ESYT3: variants seen among roughly 807,000 people sequenced by gnomAD.
The protein encoded by ESYT3 is extended synaptotagmin-3.
A neutral mutation model predicts 111.5 loss-of-function variants in ESYT3; 101 were observed. The ratio of observed to expected loss-of-function variants is 0.91; its 90% CI spans 0.77 to 1.07. ESYT3 has a LOEUF of 1.07. Among genes scored for constraint, ESYT3 ranks in the 50% least tolerant of loss-of-function variants. ESYT3 has a pLI of 0.00. For synonymous variants in ESYT3, 416 were observed against 446.8 expected (o/e 0.93, Z 0.87); for missense variants, 1,097 against 1,109.4 (o/e 0.99, Z 0.16).
intron 2 of ESYT3, among the ~76,000 whole-genome samples, chr3:138,452,368 T>A (rs2031999005): frequency 6.6e-6 from 1 of 152,138 alleles, no homozygotes; most frequent in South Asian, 2.1e-4. Flanking sequence ...AGCTGTACTT[T>A]CCTAGGGAGA....
At chr3:138,464,632 C>T in intron 9 of ESYT3, 117 bp downstream of exon 9, 1 of 1,136,752 alleles carries the variant, frequency 8.8e-7, no homozygotes, top group Non-Finnish European at 1.3e-6. Flanking sequence ...TGTGGAATTC[C>T]TGCTCCTGTA....
intron 3 of ESYT3, among the ~76,000 whole-genome samples, chr3:138,456,541 ACT>A (rs2032286969): frequency 6.6e-6 from 1 of 151,774 alleles, no homozygotes; most frequent in Non-Finnish European, 1.5e-5. Flanking sequence ...GAGGTCCCCA[ACT>A]CTCGGTACCA....
At chr3:138,469,312 C>A in intron 14 of ESYT3, 124 bp from the exon 15 acceptor site, 1 of 816,088 alleles carries the variant, frequency 1.2e-6, no homozygotes, top group Non-Finnish European at 2.0e-6. Flanking sequence ...GAGTAGCTTT[C>A]TCTCAAAGAG....
intron 5 of ESYT3, among the ~76,000 whole-genome samples, chr3:138,459,597 G>T (rs2032505383): frequency 6.6e-6 from 1 of 152,234 alleles, no homozygotes; most frequent in African/African-American, 2.4e-5. Context: ...ATAACTCTCG[G>T]CAGGAGTAGA....
At chr3:138,466,738 G>A (rs1318812677) in intron 10 of ESYT3, among the ~76,000 whole-genome samples, 2 of 152,146 alleles carry the variant, frequency 1.3e-5, no homozygotes, top group Non-Finnish European at 2.9e-5. Flanking sequence ...GGATACCAGA[G>A]GCCAGGTAAT....
At chr3:138,459,311 A>G in intron 5 of ESYT3, 58 bp downstream of exon 5, 1 of 1,405,582 alleles carries the variant, frequency 7.1e-7, no homozygotes. Context: ...GGATCAGGGA[A>G]GGGGAAGCCA....
intron 1 of ESYT3, among the ~76,000 whole-genome samples, chr3:138,446,733 A>T (rs940662919): frequency 2.0e-5 from 3 of 152,190 alleles, no homozygotes; most frequent in Non-Finnish European, 2.9e-5. Context: ...CTACAAAAAA[A>T]TTAGAAAATT....
chr3:138,456,026 C>T (rs1469679970), intron 3 of ESYT3, among the ~76,000 whole-genome samples: 2 of 152,232 alleles, frequency 1.3e-5, no homozygotes, highest in African/African-American at 2.4e-5. Flanking sequence ...ATCCGGTCTT[C>T]CCAGCAACGA....
Position 138,472,434 on chromosome 3 carries a change from G to T in ESYT3, c.1812G>T (p.Leu604=). Residue 604 remains leucine (L), a synonymous_variant, in exon 18 of 23, where the codon CTG becomes CTT. Transcript: ENST00000389567. ...CTGAAGCCCTAAAGAAAGGCCCTCTGCTCATCAAGAAAGTGGCTACCAACC... is the reference window on the plus strand; with the variant it reads ...CTGAAGCCCTAAAGAAAGGCCCTCTTCTCATCAAGAAAGTGGCTACCAACC... ...TGPEALKKGP[L]LIKKVATNQG... 6.2e-7 allele frequency: 1 copy of T among 1,614,156 alleles called. No individual in the cohort carries two copies. Among genetic ancestry groups the T allele is most frequent in the Non-Finnish European group, 8.5e-7 (1 of 1,180,034 alleles).
chr3:138,467,518 CT>C, intron 10 of ESYT3, 42 bp from the exon 11 acceptor site: 1 of 1,607,744 alleles, frequency 6.2e-7, no homozygotes, highest in Admixed American at 1.7e-5. Flanking sequence ...CTGCTGCTTT[CT>C]TCCTCTGAGC....
intron 1 of ESYT3, among the ~76,000 whole-genome samples, chr3:138,446,279 C>T (rs2031533555): frequency 6.6e-6 from 1 of 152,268 alleles, no homozygotes; most frequent in Admixed American, 6.5e-5. Context: ...GAGTAGTGGA[C>T]GAAGTGGAAA....
chr3:138,477,024 A>G lies in ESYT3; in HGVS notation c.*170A>G, dbSNP rs1365475003. On this transcript the variant is annotated 3_prime_UTR_variant, in exon 23 of 23. Coordinates refer to ENST00000389567, the MANE Select transcript of ESYT3 (RefSeq NM_031913.5). ...GTGTGGAATTTAACTCCATGACTGA[A>G]TAGCATAAGGAAGAGGTTATTTAAA... The G allele has an allele frequency of 4.0e-6, 2 of 496,528 alleles. No homozygotes were observed. The highest frequency in any genetic ancestry group is 4.1e-5 in the South Asian group (1 of 24,684). The allele number at this position is 496,528 out of a possible 1,614,324, so 30.8% of individuals were successfully genotyped here. A position where few individuals can be genotyped will look rare whatever the true frequency, so the allele number is the denominator to read the frequency against.
Position 138,470,951 on chromosome 3 carries a change from C to T in ESYT3, c.1665C>T (p.Asp555=), listed in dbSNP as rs751207237. The change falls in exon 17 of 23, where the codon GAC becomes GAT. Residue 555 remains aspartate, a synonymous_variant. Transcript: ENST00000389567. The part of the protein sequence containing the change: ...VPLCQILPYA[D]LTLEQRFQLD... ...TGTGCCAGATCCTCCCCTATGCTGA[C>T]CTCACTCTTGAGCAGCGCTTTCAGC... 1.9e-6 allele frequency: 3 copies of T among 1,614,046 alleles called. No individual in the cohort carries two copies. The highest frequency in any genetic ancestry group is 2.5e-6 in the Non-Finnish European group (3 of 1,180,044).
chr3:138,470,005 T>G, intron 15 of ESYT3, 55 bp from the exon 16 acceptor site: 4 of 1,485,566 alleles, frequency 2.7e-6, no homozygotes, highest in Non-Finnish European at 3.7e-6. Context: ...AGGGTGCCGG[T>G]ATCCAGCTCT....
At chr3:138,473,976 G>T (rs902646895) in intron 19 of ESYT3, among the ~76,000 whole-genome samples, 1 of 152,192 alleles carries the variant, frequency 6.6e-6, no homozygotes, top group African/African-American at 2.4e-5. Context: ...GCATTATAAA[G>T]ATGCGTGTTA....
At position 138,454,149 on chromosome 3, in the gene ESYT3, G is replaced by A. The variant is rs565681320; in HGVS notation, c.370-1045G>A. ...TGTAGTCCCAGCCACCCAGGAGGCT[G>A]TGGTGGGAAATCACCTAAGCCTGGG... On this transcript the variant is annotated intron_variant, in intron 2 of 22. Transcript: ENST00000389567. Among the ~76,000 whole-genome samples the A allele has an allele frequency of 2.0e-5, 3 of 152,346 alleles. No homozygotes were observed. In the South Asian group the frequency reaches 6.2e-4, roughly 32 times the overall value.
chr3:138,472,258 G>A, intron 17 of ESYT3, 105 bp from the exon 18 acceptor site: 1 of 1,434,010 alleles, frequency 7.0e-7, no homozygotes, highest in South Asian at 1.4e-5. Flanking sequence ...CCCTAGGAAG[G>A]GTCTTTATAA....
rs148528869 is a variant in ESYT3, at chr3:138,457,771, C to T, written c.581+127C>T. On this transcript the variant is annotated intron_variant, in intron 4 of 22. Transcript: ENST00000389567. ...GTGGAACCCCTCACAGGACCCTCCCCTCCTCCCAGCTTCTCCCATCCCCTG... is the reference window on the plus strand; with the variant it reads ...GTGGAACCCCTCACAGGACCCTCCCTTCCTCCCAGCTTCTCCCATCCCCTG... The T allele has an allele frequency of 4.2e-4, 356 of 851,910 alleles. 1 individual carries two copies. In the African/African-American group the frequency reaches 5.1e-3, roughly 12 times the overall value. 52.8% of individuals were successfully genotyped at this position (851,910 alleles called of 1,614,324 possible).
At chr3:138,447,592 A>G (rs567085144) in intron 1 of ESYT3, among the ~76,000 whole-genome samples, 2 of 152,330 alleles carry the variant, frequency 1.3e-5, no homozygotes, top group East Asian at 3.9e-4. Context: ...CTAAAAACAT[A>G]AAAGAGCCAA....
Sources: allele counts gnomAD v4.1 joint callset (sites outside exome capture counted in the v4.1 genomes callset), GRCh38; gene constraint gnomAD v4.1.1; transcripts MANE v1.5; gene names NCBI Gene and HGNC (gene_info 2026-07-23, HGNC 2026-07-21).